KDM6B: variants seen among roughly 807,000 people sequenced by gnomAD.
The protein encoded by KDM6B is lysine-specific demethylase 6B.
A neutral mutation model predicts 150.4 loss-of-function variants in KDM6B; 22 were observed. The ratio of observed to expected loss-of-function variants is 0.15; its 90% CI spans 0.10 to 0.21. The LOEUF is 0.21. Ranked by LOEUF, KDM6B falls within the 10% of genes least tolerant of loss-of-function variation. KDM6B has a pLI of 1.00. For synonymous variants in KDM6B, 1,148 were observed against 921.1 expected (o/e 1.25, Z -4.46); for missense variants, 1,984 against 2,234.3 (o/e 0.89, Z 2.26).
rs2078531201 is a variant in KDM6B at position 7,846,130 on chromosome 17, G to A, written c.289G>A (p.Val97Met). The A allele has an allele frequency of 6.2e-7, 1 of 1,613,022 alleles. No homozygotes were observed. The highest frequency in any genetic ancestry group is 8.5e-7 in the Non-Finnish European group (1 of 1,179,862). Reference sequence around the variant, plus strand: ...GAAGCTGGAATCCCTGCATGGCTGTGTGCAGGCATTGCTCCGGGAGCCAGC... The same window carrying A: ...GAAGCTGGAATCCCTGCATGGCTGTATGCAGGCATTGCTCCGGGAGCCAGC... ...HGKLESLHGC[V>M]QALLREPAQP... The change falls in exon 7 of 24, where the codon GTG becomes ATG. Residue 97 changes from valine (V) to methionine (M), a missense_variant. Around this residue, in one of 13 missense-constraint regions of KDM6B, gnomAD observed 337 missense variants for 323.9 expected, o/e 1.04. Transcript: ENST00000448097.
Position 7,845,479 on chromosome 17 carries a change from G to C in KDM6B, c.-6+23G>C, listed in dbSNP as rs1567788012. On this transcript the variant is annotated intron_variant, in intron 4 of 23. Transcript: ENST00000448097. ...CTGGTAAGGGAAACTCTGGGGCCGA[G>C]CTGGCTGGATGTACACTGGCAGCTC... 5.7e-6 allele frequency: 9 copies of C among 1,591,364 alleles called. No homozygotes were observed. In the Admixed American group the frequency reaches 8.3e-5, roughly 15 times the overall value.
In KDM6B at chr17:7,849,300, G is replaced by A. The variant is rs1232193315; in HGVS notation, c.3012G>A (p.Lys1004=). The change falls in exon 12 of 24, where the codon AAG becomes AAA. Residue 1004 remains lysine, a synonymous_variant. Coordinates refer to ENST00000448097, the MANE Select transcript of KDM6B (RefSeq NM_001348716.2). ...VGRRPREGRA[K]AKAKVPKEKS... ...GTCGGCCCCGTGAGGGCAGGGCAAAGGCCAAGGCCAAGGTCCCCAAAGAAA... is the reference window on the plus strand; with the variant it reads ...GTCGGCCCCGTGAGGGCAGGGCAAAAGCCAAGGCCAAGGTCCCCAAAGAAA... 1 of 1,557,674 alleles carries A rather than the reference G, an allele frequency of 6.4e-7. No homozygotes were observed. Among genetic ancestry groups the A allele is most frequent in the African/African-American group, 1.4e-5 (1 of 73,314 alleles).
chr17:7,852,392 G>A (rs2078715741), intron 20 of KDM6B, 56 bp downstream of exon 20: 10 of 1,578,378 alleles, frequency 6.3e-6, no homozygotes, highest in Non-Finnish European at 8.6e-6. Context: ...CAAGGGCCTG[G>A]GAGGCTGGGG....
chr17:7,847,003 C>G lies in KDM6B; in HGVS notation c.896C>G (p.Pro299Arg), dbSNP rs143815186. ...AWGPERKGSA[P>R]PERQEQRHSL... ...GGCCCAGAGCGCAAGGGTTCAGCACCCCCAGAGCGCCAGGTGAGCCCCTGC... is the reference window on the plus strand; with the variant it reads ...GGCCCAGAGCGCAAGGGTTCAGCACGCCCAGAGCGCCAGGTGAGCCCCTGC... The change falls in exon 10 of 24, where the codon CCC becomes CGC. Residue 299 changes from proline (P) to arginine (R), a missense_variant. This residue lies in a region of KDM6B where 1,379 missense variants were observed against 1,275.6 expected (regional missense o/e 1.08). Transcript: ENST00000448097. The G allele has an allele frequency of 4.0e-5, 65 of 1,613,580 alleles. No individual in the cohort carries two copies. Among genetic ancestry groups the G allele is most frequent in the Non-Finnish European group, 4.2e-5 (49 of 1,179,902 alleles).
rs2078634229 is a variant in KDM6B at position 7,849,099 on chromosome 17, C to G, written c.2811C>G (p.Asp937Glu). 1 of 1,612,386 alleles carries G rather than the reference C, an allele frequency of 6.2e-7. No individual in the cohort carries two copies. The highest frequency in any genetic ancestry group is 1.1e-5 in the South Asian group (1 of 91,076). Residue 937 changes from aspartate (D) to glutamate (E), a missense_variant, in exon 12 of 24, where the codon GAC becomes GAG. Physicochemically the swap from Asp to Glu is conservative, Grantham distance 45 (BLOSUM62 2). Around this residue, in one of 13 missense-constraint regions of KDM6B, gnomAD observed 1,379 missense variants for 1,275.6 expected, o/e 1.08. Transcript: ENST00000448097. The stretch of plus-strand genomic sequence containing the variant: ...GCCGGAGTGCCACTGACCCAGCCGA[C>G]CCAGTGGACACAGCAGAGCCAGCGG... ...RVGRSATDPA[D>E]PVDTAEPADS...
chr17:7,836,791 C>A (rs1021955938), intron 1 of KDM6B, among the ~76,000 whole-genome samples: 2 of 152,208 alleles, frequency 1.3e-5, no homozygotes, highest in Admixed American at 6.5e-5. Flanking sequence ...TCCAGTGTTT[C>A]CAGGAAGCTT....
intron 8 of KDM6B, 39 bp downstream of exon 8, chr17:7,846,531 G>A: frequency 6.2e-7 from 1 of 1,614,070 alleles, no homozygotes; most frequent in Non-Finnish European, 8.5e-7. Context: ...GGAGAGCCAG[G>A]CTGTGCCTGC....
Position 7,853,519 on chromosome 17 carries a change from T to G in KDM6B, c.4930T>G (p.Ter1644GlyextTer51). ...FTLAPASTSR[*>G] ...CCAGGCCCCAGCCAGCACGTCGCGA[T>G]GAGGCCGGACGCCCCGCCCGCCTGC... Residue 1644 changes from the stop codon to glycine, a stop_lost, in exon 24 of 24, where the codon TGA becomes GGA. Coordinates refer to ENST00000448097, the MANE Select transcript of KDM6B (RefSeq NM_001348716.2). The G allele has an allele frequency of 1.3e-6, 2 of 1,501,806 alleles. No homozygotes were observed. The highest frequency in any genetic ancestry group is 1.8e-6 in the Non-Finnish European group (2 of 1,132,076). The allele number at this position is 1,501,806 out of a possible 1,614,324, so 93.0% of individuals were successfully genotyped here. A position where few individuals can be genotyped will look rare whatever the true frequency, so the allele number is the denominator to read the frequency against.
Position 7,849,803 on chromosome 17 carries a change from TC to T in KDM6B, c.3441-16del, listed in dbSNP as rs1273725356. ...ATCACCCTGATGTTTCTGTCTTCATTCCACTGTCCTCCCGCAGGAATGCCAA... is the reference window on the plus strand; with the variant it reads ...ATCACCCTGATGTTTCTGTCTTCATTCACTGTCCTCCCGCAGGAATGCCAA... On this transcript the variant is annotated splice_polypyrimidine_tract_variant and intron_variant, in intron 12 of 23. Transcript: ENST00000448097. The T allele has an allele frequency of 6.2e-7, 1 of 1,612,866 alleles. No homozygotes were observed. The highest frequency in any genetic ancestry group is 1.1e-5 in the South Asian group (1 of 91,084).
Position 7,847,984 on chromosome 17 carries a change from G to C in KDM6B, c.1696G>C (p.Ala566Pro). The change falls in exon 12 of 24, where the codon GCT (alanine) becomes CCT (proline). Residue 566 changes from alanine to proline, a missense_variant. This residue lies in a region of KDM6B where 1,379 missense variants were observed against 1,275.6 expected (regional missense o/e 1.08). Transcript: ENST00000448097. ...SNSGSHSSSPAGPVSFPPPPY... is the reference protein window; with the variant it reads ...SNSGSHSSSPPGPVSFPPPPY... ...CAGTGGCAGCCACAGCAGCAGCCCT[G>C]CTGGGCCTGTGTCCTTTCCCCCACC... The C allele has an allele frequency of 6.2e-7, 1 of 1,611,466 alleles. No individual in the cohort carries two copies. Among genetic ancestry groups the C allele is most frequent in the Non-Finnish European group, 8.5e-7 (1 of 1,179,482 alleles).
chr17:7,845,591 G>T lies in KDM6B; in HGVS notation c.37G>T (p.Ala13Ser), dbSNP rs373339030. ...RAVDPPGARA[A>S]REAFALGGLS... The stretch of plus-strand genomic sequence containing the variant: ...AGTGGACCCTCCAGGGGCCCGCGCT[G>T]CACGGGAAGCCTTTGCCCTTGGGGG... Residue 13 changes from alanine to serine, a missense_variant, in exon 5 of 24, where the codon GCA becomes TCA. By Grantham distance (99) the Ala-to-Ser change is moderately conservative. Transcript: ENST00000448097. 3 of 1,614,164 alleles carry T rather than the reference G, an allele frequency of 1.9e-6. No individual in the cohort carries two copies. The South Asian group carries it at 3.3e-5, about 18-fold the overall frequency.
At position 7,846,254 on chromosome 17, in the gene KDM6B, G is replaced by C. The variant is rs777628200; in HGVS notation, c.413G>C (p.Gly138Ala). 2.0e-5 allele frequency: 32 copies of C among 1,613,854 alleles called. No individual in the cohort carries two copies. The East Asian group carries it at 6.7e-4, about 34-fold the overall frequency. Residue 138 changes from glycine to alanine, a missense_variant, in exon 7 of 24, where the codon GGA becomes GCA. Gly to Ala is a moderately conservative substitution (Grantham distance 60). This residue lies in a region of KDM6B where 337 missense variants were observed against 323.9 expected (regional missense o/e 1.04). Transcript: ENST00000448097. The stretch of plus-strand genomic sequence containing the variant: ...TACCACAGCGCCCTTCGATACGGAG[G>C]AAGCTTCGCTGAGCTGGGGCCCCGC... ...RCYHSALRYG[G>A]SFAELGPRIG...
In KDM6B at chr17:7,851,726, C is replaced by T. The variant is rs1389936553; in HGVS notation, c.4095C>T (p.His1365=). ...RVTSTGNMLS[H]VGHTILGMNT... ...CATCCACGGGCAACATGCTGAGCCACGTGGGCCACACCATCCTGGGCATGA... is the reference window on the plus strand; with the variant it reads ...CATCCACGGGCAACATGCTGAGCCATGTGGGCCACACCATCCTGGGCATGA... Residue 1365 remains histidine, a synonymous_variant, in exon 18 of 24, where the codon CAC becomes CAT. Transcript: ENST00000448097. 6.4e-7 allele frequency: 1 copy of T among 1,559,152 alleles called. No homozygotes were observed. The highest frequency in any genetic ancestry group is 1.4e-5 in the African/African-American group (1 of 73,740).
At position 7,853,653 on chromosome 17, in the gene KDM6B, C is replaced by A; in HGVS notation, c.*132C>A. ...CCCAGCCCTTCCACCCCATTGGCAG[C>A]TCCCCTCACTTAATTTATTAAGAAA... On this transcript the variant is annotated 3_prime_UTR_variant, in exon 24 of 24. Coordinates refer to ENST00000448097, the MANE Select transcript of KDM6B (RefSeq NM_001348716.2). 1 of 515,826 alleles carries A rather than the reference C, an allele frequency of 1.9e-6. No homozygotes were observed. Among genetic ancestry groups the A allele is most frequent in the Non-Finnish European group, 2.9e-6 (1 of 340,422 alleles). The allele number at this position is 515,826 out of a possible 1,614,324, so 32.0% of individuals were successfully genotyped here.
chr17:7,852,854 C>T (rs1214586760), intron 21 of KDM6B, 146 bp from the exon 22 acceptor site: 4 of 1,289,692 alleles, frequency 3.1e-6, no homozygotes, highest in Non-Finnish European at 4.4e-6. Context: ...ATAACAGATG[C>T]CCAGGACAGA....
At chr17:7,852,761 G>T (rs989576522) in intron 21 of KDM6B, 125 bp downstream of exon 21, 1 of 1,417,020 alleles carries the variant, frequency 7.1e-7, no homozygotes, top group South Asian at 1.2e-5. Flanking sequence ...GAGTGTTACT[G>T]TGTTGGGGAG....
intron 8 of KDM6B, 34 bp from the exon 9 acceptor site, chr17:7,846,545 C>G (rs182822216): frequency 1.2e-6 from 2 of 1,614,044 alleles, no homozygotes; most frequent in Non-Finnish European, 8.5e-7. Flanking sequence ...TGCCTGCACC[C>G]GTGCCATTTT....
At position 7,848,294 on chromosome 17, in the gene KDM6B, G is replaced by C; in HGVS notation, c.2006G>C (p.Arg669Pro). The C allele has an allele frequency of 1.9e-6, 3 of 1,611,528 alleles. No homozygotes were observed. Among genetic ancestry groups the C allele is most frequent in the Non-Finnish European group, 2.5e-6 (3 of 1,179,644 alleles). Residue 669 changes from arginine (R) to proline (P), a missense_variant, in exon 12 of 24, where the codon CGA (arginine) becomes CCA (proline). Around this residue, in one of 13 missense-constraint regions of KDM6B, gnomAD observed 1,379 missense variants for 1,275.6 expected, o/e 1.08. Transcript: ENST00000448097. ...GVGELPARGP[R>P]LFDFPPTPLE... is the part of the protein sequence containing the mutation. Reference sequence around the variant, plus strand: ...GGGGAGCTGCCTGCCCGAGGCCCTCGACTCTTTGATTTTCCCCCCACTCCG... The same window carrying C: ...GGGGAGCTGCCTGCCCGAGGCCCTCCACTCTTTGATTTTCCCCCCACTCCG...
Position 7,834,257 on chromosome 17 carries a change from GC to G in KDM6B, c.-474del, listed in dbSNP as rs974110568. Among the ~76,000 whole-genome samples, 1 of 151,246 alleles carries G rather than the reference GC, an allele frequency of 6.6e-6. No homozygotes were observed. The highest frequency in any genetic ancestry group is 2.0e-4 in the East Asian group (1 of 4,980). On this transcript the variant is annotated 5_prime_UTR_variant, in exon 1 of 24. Transcript: ENST00000448097. ...TCCAACTGCGCCACTGGGCGGAGCG[GC>G]CCCCCCAGCCCCGGCCTGGGAGAAG... is the stretch of plus-strand genomic sequence containing the variant.
Sources: allele counts gnomAD v4.1 joint callset (sites outside exome capture counted in the v4.1 genomes callset), GRCh38; gene constraint gnomAD v4.1.1; regional missense constraint gnomAD v4.1.1; transcripts MANE v1.5; gene names NCBI Gene and HGNC (gene_info 2026-07-23, HGNC 2026-07-21).